PCK2: variants seen among roughly 807,000 people sequenced by gnomAD.
PCK2 encodes the protein phosphoenolpyruvate carboxykinase [GTP], mitochondrial.
Under a neutral mutation model 65.9 loss-of-function variants are expected in PCK2, and 56 were observed. The ratio of observed to expected loss-of-function variants is 0.85; its 90% CI spans 0.69 to 1.06. The LOEUF (loss-of-function observed/expected upper bound fraction) is 1.06, where lower values mean the gene tolerates loss of function less well. Among genes scored for constraint, PCK2 ranks in the 50% least tolerant of loss-of-function variants. The pLI is 0.00. For missense variants in PCK2, 843 were observed against 863.1 expected (o/e 0.98, Z 0.29); for synonymous variants, 305 against 319.6 (o/e 0.95, Z 0.49).
rs557189332 is a variant in PCK2, at chr14:24,094,585, C to T, written c.29+151C>T. Reference sequence around the variant, plus strand: ...GGCGACTGCTGTGGGTCCAGCCTCCCGCGCCGCGCGTCTCTTGGGAGGGCA... The same window carrying T: ...GGCGACTGCTGTGGGTCCAGCCTCCTGCGCCGCGCGTCTCTTGGGAGGGCA... On this transcript the variant is annotated intron_variant, in intron 1 of 9. Transcript: ENST00000216780. The surrounding 1 kb of genome is among the most constrained non-coding windows in gnomAD (Gnocchi z 4.1). The T allele has an allele frequency of 6.9e-7, 1 of 1,451,232 alleles. No homozygotes were observed. Among genetic ancestry groups the T allele is most frequent in the South Asian group, 1.4e-5 (1 of 69,788 alleles). 89.9% of individuals were successfully genotyped at this position (1,451,232 alleles called of 1,614,324 possible). A position where few individuals can be genotyped will look rare whatever the true frequency, so the allele number is the denominator to read the frequency against.
chr14:24,094,204 G>A, upstream of PCK2: 1 of 564,042 alleles, frequency 1.8e-6, no homozygotes, highest in Admixed American at 3.9e-5. This position sits in a 1 kb window ranked among gnomAD's most constrained non-coding sequence, Gnocchi z 4.1. Flanking sequence ...CCGGGGCCGA[G>A]GGAGCTGGCC....
rs2037014147 is a variant in PCK2, at chr14:24,098,689, G to C, written c.664+11G>C. On this transcript the variant is annotated intron_variant, in intron 4 of 9. Coordinates refer to ENST00000216780, the MANE Select transcript of PCK2 (RefSeq NM_004563.4). ...CCCTGACAGGACAAGGTAAGCACCT[G>C]CTCTGCCCCAAGGGGAACACAGAGG... is the stretch of plus-strand genomic sequence containing the variant. 6.2e-7 allele frequency: 1 copy of C among 1,610,820 alleles called. No individual in the cohort carries two copies. Among genetic ancestry groups the C allele is most frequent in the Non-Finnish European group, 8.5e-7 (1 of 1,177,890 alleles).
intron 7 of PCK2, 84 bp from the exon 8 acceptor site, chr14:24,102,669 C>A: frequency 2.5e-6 from 3 of 1,198,596 alleles, no homozygotes; most frequent in East Asian, 2.4e-5. Flanking sequence ...AAAAAAGAAC[C>A]CTGCAAGAAT....
intron 8 of PCK2, 89 bp from the exon 9 acceptor site, chr14:24,103,069 GGA>G: frequency 1.6e-6 from 2 of 1,236,212 alleles, no homozygotes; most frequent in Non-Finnish European, 2.4e-6. Flanking sequence ...CGAGGTCTTA[GGA>G]GAGAGAGTAC....
chr14:24,094,263 C>T, upstream of PCK2: 1 of 777,766 alleles, frequency 1.3e-6, no homozygotes, highest in Non-Finnish European at 2.0e-6. The surrounding 1 kb of genome is among the most constrained non-coding windows in gnomAD (Gnocchi z 4.1). Context: ...AGGTTCCGCC[C>T]CCGCGCCTGC....
At chr14:24,103,460 C>T in intron 9 of PCK2, 50 bp from the exon 10 acceptor site, 1 of 1,473,478 alleles carries the variant, frequency 6.8e-7, no homozygotes, top group Admixed American at 2.0e-5. Flanking sequence ...GGTGCCCTTC[C>T]CTACCCCAGT....
chr14:24,094,610 AGCCGGCCGGT>A lies in PCK2; in HGVS notation c.29+179_29+188del, dbSNP rs759288196. 237 of 1,462,336 alleles carry A rather than the reference AGCCGGCCGGT, an allele frequency of 1.6e-4. 1 individual carries two copies. The highest frequency in any genetic ancestry group is 2.0e-4 in the Non-Finnish European group (223 of 1,108,694). 90.6% of individuals were successfully genotyped at this position (1,462,336 alleles called of 1,614,324 possible). A position where few individuals can be genotyped will look rare whatever the true frequency, so the allele number is the denominator to read the frequency against. ...CGCGCCGCGCGTCTCTTGGGAGGGC[AGCCGGCCGGT>A]GCTCCTCGTTTCCGCCTGCACCTCC... On this transcript the variant is annotated intron_variant, in intron 1 of 9. Transcript: ENST00000216780. This position sits in a 1 kb window ranked among gnomAD's most constrained non-coding sequence, Gnocchi z 4.1.
At chr14:24,103,470 T>C in intron 9 of PCK2, 40 bp from the exon 10 acceptor site, 2 of 1,497,502 alleles carry the variant, frequency 1.3e-6, no homozygotes, top group South Asian at 2.6e-5. Flanking sequence ...CCTACCCCAG[T>C]GAGAAGGAAG....
chr14:24,103,007 C>A, intron 8 of PCK2, 117 bp downstream of exon 8: 1 of 1,307,674 alleles, frequency 7.6e-7, no homozygotes, highest in Non-Finnish European at 1.1e-6. Context: ...CAGAGTTCTC[C>A]CCTGGTGAAT....
In PCK2 at chr14:24,099,196, G is replaced by A. The variant is rs145832168; in HGVS notation, c.812G>A (p.Arg271Gln). The A allele has an allele frequency of 6.5e-5, 105 of 1,603,468 alleles. No individual in the cohort carries two copies. The highest frequency in any genetic ancestry group is 1.6e-4 in the East Asian group (7 of 44,826). Residue 271 changes from arginine (R) to glutamine (Q), a missense_variant, in exon 5 of 10, where the codon CGG becomes CAG. Coordinates refer to ENST00000216780, the MANE Select transcript of PCK2 (RefSeq NM_004563.4). ...TGCTTTGCCCTACGCATCGCCTCTC[G>A]GCTGGCCCGGGATGAGGGCTGGCTG... ...KKCFALRIAS[R>Q]LARDEGWLAE... is the part of the protein sequence containing the mutation.
rs1022090356 is a variant in PCK2, at chr14:24,103,147, A to G, written c.1373-13A>G. ...AAAAGGGCTGCCTGTGACTCTGTTC[A>G]TTGGTGATCTAGGGGTACCCCTGGT... On this transcript the variant is annotated splice_polypyrimidine_tract_variant and intron_variant, in intron 8 of 9. Coordinates refer to ENST00000216780, the MANE Select transcript of PCK2 (RefSeq NM_004563.4). 1.9e-6 allele frequency: 3 copies of G among 1,602,792 alleles called. No homozygotes were observed. The South Asian group carries it at 3.3e-5, about 18-fold the overall frequency.
At chr14:24,100,755 T>A (rs1395091913) in intron 7 of PCK2, among the ~76,000 whole-genome samples, 1 of 152,120 alleles carries the variant, frequency 6.6e-6, no homozygotes, top group Non-Finnish European at 1.5e-5. Flanking sequence ...TGTCTAAAGG[T>A]CAGTATTGTT....
In PCK2 at chr14:24,103,285, T is replaced by C. The variant is rs772827355; in HGVS notation, c.1468+30T>C. 85 of 1,558,070 alleles carry C rather than the reference T, an allele frequency of 5.5e-5. No individual in the cohort carries two copies. The African/African-American group carries it at 1.0e-3, about 19-fold the overall frequency. On this transcript the variant is annotated intron_variant, in intron 9 of 9. Transcript: ENST00000216780. The stretch of plus-strand genomic sequence containing the variant: ...GCACCCTCACCATTCCTCCCTCTCC[T>C]GTGTGTGCACACAGCACGTCCTCTC...
chr14:24,094,979 C>A lies in PCK2; in HGVS notation c.29+545C>A. The A allele has an allele frequency of 1.5e-6, 1 of 684,066 alleles. No individual in the cohort carries two copies. The highest frequency in any genetic ancestry group is 2.2e-6 in the Non-Finnish European group (1 of 448,952). The allele number at this position is 684,066 out of a possible 1,614,324, so 42.4% of individuals were successfully genotyped here. A position where few individuals can be genotyped will look rare whatever the true frequency, so the allele number is the denominator to read the frequency against. On this transcript the variant is annotated intron_variant, in intron 1 of 9. Coordinates refer to ENST00000216780, the MANE Select transcript of PCK2 (RefSeq NM_004563.4). This position sits in a 1 kb window ranked among gnomAD's most constrained non-coding sequence, Gnocchi z 4.1. ...TCCAGAGCAGCCCGAGGGACCTGGG[C>A]CCAGGGGAGGGAGGCAAGCAAGGTG... is the stretch of plus-strand genomic sequence containing the variant.
intron 7 of PCK2, chr14:24,100,573 A>AT (rs931498788): frequency 2.8e-3 from 2,956 of 1,045,264 alleles, no homozygotes; most frequent in East Asian, 3.2e-3. Flanking sequence ...TACAGGCTGG[A>AT]TTTTTTTTTA....
rs1197275899 is a variant in PCK2 at position 24,094,359 on chromosome 14, C to T, written c.-47C>T. 2 of 1,515,634 alleles carry T rather than the reference C, an allele frequency of 1.3e-6. No homozygotes were observed. The highest frequency in any genetic ancestry group is 8.9e-7 in the Non-Finnish European group (1 of 1,125,966). The allele number at this position is 1,515,634 out of a possible 1,614,324, so 93.9% of individuals were successfully genotyped here. ...TCCTTCCCCGCCTTCCATACCTCCCCGGCTCCGCTCGGTTCCTGGCCACCC... is the reference window on the plus strand; with the variant it reads ...TCCTTCCCCGCCTTCCATACCTCCCTGGCTCCGCTCGGTTCCTGGCCACCC... On this transcript the variant is annotated 5_prime_UTR_variant, in exon 1 of 10. Transcript: ENST00000216780. The surrounding 1 kb of genome is among the most constrained non-coding windows in gnomAD (Gnocchi z 4.1).
Position 24,102,668 on chromosome 14 carries a change from C to A in PCK2, c.1235-85C>A. ...TGATGAGGCAAAAAAAAAAAAAGAA[C>A]CCTGCAAGAATGTGTGCCCATGTAT... On this transcript the variant is annotated intron_variant, in intron 7 of 9. Transcript: ENST00000216780. 4 of 1,154,560 alleles carry A rather than the reference C, an allele frequency of 3.5e-6. No individual in the cohort carries two copies. The South Asian group carries it at 4.5e-5, about 13-fold the overall frequency. 71.5% of individuals were successfully genotyped at this position (1,154,560 alleles called of 1,614,324 possible).
At chr14:24,099,413 TA>T in intron 5 of PCK2, 144 bp from the exon 6 acceptor site, 1 of 1,003,086 alleles carries the variant, frequency 1.0e-6, no homozygotes, top group East Asian at 2.5e-5. Context: ...CCCCTGCCAC[TA>T]ACCCAGGCCT....
At position 24,094,357 on chromosome 14, in the gene PCK2, C is replaced by T; in HGVS notation, c.-49C>T. 2 of 1,515,684 alleles carry T rather than the reference C, an allele frequency of 1.3e-6. No individual in the cohort carries two copies. Among genetic ancestry groups the T allele is most frequent in the Non-Finnish European group, 8.9e-7 (1 of 1,126,196 alleles). The allele number at this position is 1,515,684 out of a possible 1,614,324, so 93.9% of individuals were successfully genotyped here. On this transcript the variant is annotated 5_prime_UTR_variant, in exon 1 of 10. Transcript: ENST00000216780. This position sits in a 1 kb window ranked among gnomAD's most constrained non-coding sequence, Gnocchi z 4.1. ...CCTCCTTCCCCGCCTTCCATACCTC[C>T]CCGGCTCCGCTCGGTTCCTGGCCAC...
Sources: allele counts gnomAD v4.1 joint callset (sites outside exome capture counted in the v4.1 genomes callset), GRCh38; gene constraint gnomAD v4.1.1; non-coding constraint Gnocchi (gnomAD v3.1); transcripts MANE v1.5; gene names NCBI Gene and HGNC (gene_info 2026-07-23, HGNC 2026-07-21).